HCN1: variants seen among roughly 807,000 people sequenced by gnomAD.
HCN1 encodes the protein potassium/sodium hyperpolarization-activated cyclic nucleotide-gated channel 1.
A neutral mutation model predicts 78.9 loss-of-function variants in HCN1; 13 were observed. That is an observed-to-expected ratio of 0.16 (90% CI 0.11 to 0.26). HCN1 has a LOEUF of 0.26. Among genes scored for constraint, HCN1 ranks in the 10% least tolerant of loss-of-function variants. The pLI is 1.00. For synonymous variants in HCN1, 552 were observed against 455.5 expected, an observed-to-expected ratio of 1.21 and a Z score of -2.70; for missense variants, 810 against 1,154.3, an observed-to-expected ratio of 0.70 and a Z score of 4.32.
chr5:45,661,051 G>A (rs1020956241), intron 1 of HCN1, among the ~76,000 whole-genome samples: 12 of 132,332 alleles, frequency 9.1e-5, no homozygotes, highest in Non-Finnish European at 1.9e-4. Context: ...CACATAGTTG[G>A]AAGTAAAGCT....
chr5:45,343,527 G>C (rs1579825145), intron 5 of HCN1, among the ~76,000 whole-genome samples: 1 of 152,128 alleles, frequency 6.6e-6, no homozygotes, highest in Non-Finnish European at 1.5e-5. Context: ...GATGTACAGA[G>C]CACAGAAAGA....
chr5:45,584,549 T>C (rs1178996602), intron 2 of HCN1, among the ~76,000 whole-genome samples: 1 of 152,308 alleles, frequency 6.6e-6, no homozygotes, highest in Non-Finnish European at 1.5e-5. Context: ...AATATTGTTA[T>C]GTGTGAATTT....
chr5:45,621,473 A>G (rs1745061260), intron 2 of HCN1, among the ~76,000 whole-genome samples: 1 of 152,124 alleles, frequency 6.6e-6, no homozygotes, highest in Non-Finnish European at 1.5e-5. Context: ...CACTGAATTA[A>G]ATTATATTTT....
chr5:45,664,527 G>A (rs1745994210), intron 1 of HCN1, among the ~76,000 whole-genome samples: 1 of 147,610 alleles, frequency 6.8e-6, no homozygotes. Context: ...CAAAATGGGA[G>A]AAAATTTTCA....
chr5:45,396,401 A>G, intron 4 of HCN1, 91 bp downstream of exon 4: 1 of 897,324 alleles, frequency 1.1e-6, no homozygotes, highest in Non-Finnish European at 1.8e-6. Flanking sequence ...TTTTTTTTAT[A>G]GAGGAGATGG....
At chr5:45,639,049 A>C (rs1187359289) in intron 2 of HCN1, among the ~76,000 whole-genome samples, 5 of 151,918 alleles carry the variant, frequency 3.3e-5, no homozygotes, top group African/African-American at 1.2e-4. Context: ...GGAACTTAAA[A>C]CTCTGTTTAA....
chr5:45,502,855 C>T (rs993952845), intron 2 of HCN1, among the ~76,000 whole-genome samples: 1 of 152,006 alleles, frequency 6.6e-6, no homozygotes, highest in African/African-American at 2.4e-5. Flanking sequence ...GGAATTTTAA[C>T]GTCCTGCATT....
At chr5:45,309,985 C>T (rs1341590635) in intron 5 of HCN1, among the ~76,000 whole-genome samples, 2 of 152,030 alleles carry the variant, frequency 1.3e-5, no homozygotes, top group Non-Finnish European at 2.9e-5. Context: ...GCTGTGAATC[C>T]ATCTGGTCTT....
intron 4 of HCN1, among the ~76,000 whole-genome samples, chr5:45,392,841 A>T (rs1739611924): frequency 6.6e-6 from 1 of 151,978 alleles, no homozygotes; most frequent in Non-Finnish European, 1.5e-5. Context: ...ACAAAACTTG[A>T]TAAATTTGTC....
At chr5:45,392,577 C>T (rs1286928810) in intron 4 of HCN1, among the ~76,000 whole-genome samples, 1 of 152,060 alleles carries the variant, frequency 6.6e-6, no homozygotes, top group African/African-American at 2.4e-5. Flanking sequence ...TGGCTCATGC[C>T]TGTAACCCTA....
At chr5:45,422,027 C>T (rs1025438600) in intron 3 of HCN1, among the ~76,000 whole-genome samples, 2 of 152,186 alleles carry the variant, frequency 1.3e-5, no homozygotes, top group African/African-American at 4.8e-5. Flanking sequence ...GAGAGCTAGA[C>T]ATAACAGAAT....
At chr5:45,645,661 C>G (rs1374878118) in intron 1 of HCN1, 53 bp from the exon 2 acceptor site, 3 of 1,160,024 alleles carry the variant, frequency 2.6e-6, no homozygotes, top group Non-Finnish European at 3.7e-6. Context: ...ACCAGCCTAT[C>G]CCCCCCATGA....
At chr5:45,357,946 C>T (rs1747035040) in intron 4 of HCN1, among the ~76,000 whole-genome samples, 1 of 151,992 alleles carries the variant, frequency 6.6e-6, no homozygotes, top group East Asian at 1.9e-4. Context: ...GGCACCTCTC[C>T]CCTCTCTCTC....
rs951384868 is a variant in HCN1, at chr5:45,694,004, G to A, written c.425+1665C>T. Among the ~76,000 whole-genome samples the A allele has an allele frequency of 9.9e-5, 15 of 152,060 alleles. No individual in the cohort carries two copies. In the South Asian group the frequency reaches 3.1e-3, roughly 32 times the overall value. ...AATGAGGTGAAATATATTTCCATTG[G>A]GGACTGAGGAAAAGATAATATTCTA... On this transcript the variant is annotated intron_variant, in intron 1 of 7. Coordinates refer to ENST00000303230, the MANE Select transcript of HCN1 (RefSeq NM_021072.4).
intron 5 of HCN1, among the ~76,000 whole-genome samples, chr5:45,324,343 A>C (rs1354982077): frequency 1.3e-5 from 2 of 152,042 alleles, no homozygotes. Context: ...TGGGTGAAAG[A>C]TATGAAGAGA....
At chr5:45,513,197 C>T (rs1266152801) in intron 2 of HCN1, among the ~76,000 whole-genome samples, 1 of 151,726 alleles carries the variant, frequency 6.6e-6, no homozygotes, top group Non-Finnish European at 1.5e-5. Flanking sequence ...TTAAATTTTG[C>T]AAAAGAATAG....
rs538582268 is a variant in HCN1 at position 45,466,206 on chromosome 5, C to G, written c.850-4199G>C. 1.8e-3 allele frequency among the ~76,000 whole-genome samples: 274 copies of G among 152,192 alleles called. 1 individual carries two copies. The highest frequency in any genetic ancestry group is 6.3e-3 in the African/African-American group (263 of 41,548). ...AATTCTTTTAAAATGCTTCCATATT[C>G]TTTCCTGATGAACTGGATTCATCGG... On this transcript the variant is annotated intron_variant, in intron 2 of 7. Transcript: ENST00000303230.
At chr5:45,475,736 T>G (rs908365911) in intron 2 of HCN1, among the ~76,000 whole-genome samples, 3 of 152,126 alleles carry the variant, frequency 2.0e-5, no homozygotes, top group Admixed American at 2.0e-4. Flanking sequence ...TTGGTATGTT[T>G]ATGTAGCATG....
intron 1 of HCN1, among the ~76,000 whole-genome samples, chr5:45,674,027 C>A (rs1338653708): frequency 1.3e-5 from 2 of 151,316 alleles, no homozygotes; most frequent in Admixed American, 1.3e-4. Context: ...AAGACCATAC[C>A]AAGGCATTAA....
Sources: gnomAD v4.1 joint callset for allele counts (sites outside exome capture counted in the v4.1 genomes callset) on GRCh38, gnomAD v4.1.1 for gene constraint, MANE v1.5 for transcripts, NCBI Gene and HGNC (gene_info 2026-07-23, HGNC 2026-07-21) for gene names.